CNTN3: variants seen among roughly 807,000 people sequenced by gnomAD.
The protein encoded by CNTN3 is contactin 3.
In CNTN3, 60 loss-of-function variants were observed where a neutral mutation model predicts 119.1. The ratio of observed to expected loss-of-function variants is 0.50; its 90% CI spans 0.41 to 0.62. The LOEUF (loss-of-function observed/expected upper bound fraction) is 0.62. Among genes scored for constraint, CNTN3 ranks in the 20% least tolerant of loss-of-function variants. The probability of loss-of-function intolerance (pLI) is 0.00; values close to 1 mark genes in which losing one functional copy is unlikely to be tolerated. For synonymous variants in CNTN3, 450 were observed against 438.7 expected (o/e 1.03, Z -0.32); for missense variants, 1,101 against 1,242.4 (o/e 0.89, Z 1.71).
intron 2 of CNTN3, among the ~76,000 whole-genome samples, chr3:74,512,377 T>C (rs1430599207): frequency 6.6e-6 from 1 of 151,908 alleles, no homozygotes; most frequent in African/African-American, 2.4e-5. Context: ...AGACAAAAGG[T>C]TCCTATTAAT....
chr3:74,453,003 T>C (rs951509875), intron 4 of CNTN3, among the ~76,000 whole-genome samples: 4 of 151,756 alleles, frequency 2.6e-5, no homozygotes, highest in Non-Finnish European at 5.9e-5. Flanking sequence ...TCTGCCCAGC[T>C]TTGGTATCAG....
intron 5 of CNTN3, among the ~76,000 whole-genome samples, chr3:74,403,821 G>A (rs1000843947): frequency 6.6e-6 from 1 of 151,796 alleles, no homozygotes; most frequent in African/African-American, 2.4e-5. Context: ...TTCTCTCTCT[G>A]GTTCTTTTTT....
rs555929231 is a variant in CNTN3 at position 74,317,849 on chromosome 3, C to G, written c.1669-15042G>C. Among the ~76,000 whole-genome samples, 15 of 152,016 alleles carry G rather than the reference C, an allele frequency of 9.9e-5. No homozygotes were observed. In the South Asian group the frequency reaches 1.2e-3, roughly 13 times the overall value. ...GCTCTTCTCGAGGAGTATCTTTGTG[C>G]CGTTCTCTGTATTTCCTGAATCTGA... On this transcript the variant is annotated intron_variant, in intron 13 of 22. Transcript: ENST00000263665.
At chr3:74,598,119 T>G (rs1441569082) in intron 1 of CNTN3, among the ~76,000 whole-genome samples, 1 of 152,082 alleles carries the variant, frequency 6.6e-6, no homozygotes, top group Non-Finnish European at 1.5e-5. Context: ...GATTCTAGAC[T>G]GGCCTTATGA....
Position 74,504,396 on chromosome 3 carries a change from C to T in CNTN3, c.56-4611G>A, listed in dbSNP as rs141255370. ...GGTCAAAGAAAGTAAAATCATATGC[C>T]GCCAATGAAATAAGATCTATATTCT... On this transcript the variant is annotated intron_variant, in intron 2 of 22. Transcript: ENST00000263665. Among the ~76,000 whole-genome samples, 21 of 152,132 alleles carry T rather than the reference C, an allele frequency of 1.4e-4. No homozygotes were observed. In the East Asian group the frequency reaches 3.7e-3, roughly 27 times the overall value.
At chr3:74,319,821 A>G (rs908133978) in intron 13 of CNTN3, among the ~76,000 whole-genome samples, 79 of 151,994 alleles carry the variant, frequency 5.2e-4, no homozygotes, top group African/African-American at 1.8e-3. Context: ...AATTTACAAA[A>G]AAAAAAACAA....
chr3:74,543,817 A>C (rs891444032), intron 1 of CNTN3, among the ~76,000 whole-genome samples: 2 of 152,172 alleles, frequency 1.3e-5, no homozygotes, highest in African/African-American at 4.8e-5. Context: ...CACTCAAGCC[A>C]GGAAGAAAAA....
chr3:74,366,748 ATGTGTGTGTGCGTGTGTGTG>A (rs1704197580), intron 8 of CNTN3, among the ~76,000 whole-genome samples: 1 of 115,048 alleles, frequency 8.7e-6, no homozygotes, highest in Non-Finnish European at 1.7e-5. Context: ...TTTCTCTTTT[ATGTGTGTGTGCGTGTGTGTG>A]TGTGTGTGTG....
At chr3:74,335,422 C>T (rs1703367822) in intron 12 of CNTN3, among the ~76,000 whole-genome samples, 1 of 152,012 alleles carries the variant, frequency 6.6e-6, no homozygotes, top group Non-Finnish European at 1.5e-5. Flanking sequence ...TGTTTTTCCC[C>T]AACGCAAATG....
At chr3:74,410,760 G>C (rs1701424349) in intron 5 of CNTN3, among the ~76,000 whole-genome samples, 1 of 152,106 alleles carries the variant, frequency 6.6e-6, no homozygotes, top group Non-Finnish European at 1.5e-5. Context: ...TGATGGACTA[G>C]TTTCCCCACC....
chr3:74,551,064 T>C (rs1345834798), intron 1 of CNTN3, among the ~76,000 whole-genome samples: 3 of 152,194 alleles, frequency 2.0e-5, no homozygotes, highest in Non-Finnish European at 4.4e-5. Context: ...ATGAGACTCC[T>C]TGTACCTTAG....
Position 74,426,452 on chromosome 3 carries a change from T to C in CNTN3, c.359-1512A>G, listed in dbSNP as rs149925249. On this transcript the variant is annotated intron_variant, in intron 4 of 22. Transcript: ENST00000263665. The stretch of plus-strand genomic sequence containing the variant: ...AAAAAGCAAAATAATTATCTTCAAA[T>C]TGATAAAACCAGAACCTGTAGACAC... 7.8e-4 allele frequency among the ~76,000 whole-genome samples: 118 copies of C among 152,236 alleles called. 1 individual carries two copies. Among genetic ancestry groups the C allele is most frequent in the South Asian group, 2.9e-3 (14 of 4,812 alleles).
chr3:74,595,746 A>C (rs1704795885), intron 1 of CNTN3, among the ~76,000 whole-genome samples: 1 of 152,156 alleles, frequency 6.6e-6, no homozygotes, highest in African/African-American at 2.4e-5. Context: ...CTGAATGGGC[A>C]AAAACTGGAA....
At chr3:74,449,364 T>C (rs1253323375) in intron 4 of CNTN3, among the ~76,000 whole-genome samples, 3 of 151,982 alleles carry the variant, frequency 2.0e-5, no homozygotes, top group African/African-American at 4.8e-5. Context: ...ATTTATGTAC[T>C]CTTTTACAAC....
chr3:74,302,243 A>G (rs1702475116), intron 14 of CNTN3, among the ~76,000 whole-genome samples: 1 of 152,242 alleles, frequency 6.6e-6, no homozygotes, highest in South Asian at 2.1e-4. Context: ...TCAGCCCAGT[A>G]GCAAATCAGT....
intron 1 of CNTN3, among the ~76,000 whole-genome samples, chr3:74,529,742 G>T (rs921163913): frequency 6.6e-5 from 10 of 151,968 alleles, no homozygotes; most frequent in African/African-American, 2.2e-4. Flanking sequence ...TTTTTTGGGA[G>T]TTGAATAGAA....
At chr3:74,386,193 C>G (rs1704740682) in intron 5 of CNTN3, among the ~76,000 whole-genome samples, 1 of 152,154 alleles carries the variant, frequency 6.6e-6, no homozygotes, top group Admixed American at 6.5e-5. Context: ...AACATTTTGA[C>G]AGTTAAAATG....
At chr3:74,279,354 C>T (rs1049947729) in intron 20 of CNTN3, among the ~76,000 whole-genome samples, 3 of 152,040 alleles carry the variant, frequency 2.0e-5, no homozygotes, top group Admixed American at 6.6e-5. Flanking sequence ...ATGTGGAATC[C>T]ACCCAAATGT....
intron 1 of CNTN3, among the ~76,000 whole-genome samples, chr3:74,534,091 T>G (rs1400122512): frequency 6.6e-6 from 1 of 151,996 alleles, no homozygotes; most frequent in African/African-American, 2.4e-5. Flanking sequence ...TGTTCGGAAC[T>G]TTACCAAAGA....
Sources: gnomAD v4.1 joint callset for allele counts (sites outside exome capture counted in the v4.1 genomes callset) on GRCh38, gnomAD v4.1.1 for gene constraint, MANE v1.5 for transcripts, NCBI Gene and HGNC (gene_info 2026-07-23, HGNC 2026-07-21) for gene names.